Variants in CLSTN2 observed in about 807,000 individuals in gnomAD.
CLSTN2 encodes calsyntenin-2.
A neutral mutation model predicts 101.2 loss-of-function variants in CLSTN2; 48 were observed. That is an observed-to-expected ratio of 0.47 (90% confidence interval 0.38 to 0.60). CLSTN2 has a LOEUF of 0.60. Ranked by LOEUF, CLSTN2 falls within the 20% of genes least tolerant of loss-of-function variation. The pLI, the probability that CLSTN2 is intolerant of heterozygous loss-of-function variation, is 0.00. For synonymous variants in CLSTN2, 481 were observed against 463.6 expected (o/e 1.04, Z -0.48); for missense variants, 1,160 against 1,238.2 (o/e 0.94, Z 0.95).
At chr3:140,541,739 C>A (rs1935482116) in intron 9 of CLSTN2, among the ~76,000 whole-genome samples, 1 of 152,142 alleles carries the variant, frequency 6.6e-6, no homozygotes, top group African/African-American at 2.4e-5. Flanking sequence ...TTCGCCCCTT[C>A]CCTGCCACAG....
At chr3:140,483,177 T>C (rs1008833073) in intron 8 of CLSTN2, among the ~76,000 whole-genome samples, 1 of 152,242 alleles carries the variant, frequency 6.6e-6, no homozygotes, top group Non-Finnish European at 1.5e-5. Flanking sequence ...AACATCTTTA[T>C]TTCTGCCTTC....
At chr3:139,949,503 A>G (rs1322376146) in intron 1 of CLSTN2, among the ~76,000 whole-genome samples, 2 of 152,174 alleles carry the variant, frequency 1.3e-5, no homozygotes, top group Non-Finnish European at 2.9e-5. Context: ...GAGCTGATAC[A>G]TTCAAGATGG....
intron 1 of CLSTN2, among the ~76,000 whole-genome samples, chr3:140,117,993 G>A (rs2009274742): frequency 1.3e-5 from 2 of 152,186 alleles, no homozygotes; most frequent in Admixed American, 6.5e-5. Flanking sequence ...CTAAGCCCCA[G>A]TACCTCAGGA....
chr3:140,280,271 T>C (rs771687716), intron 2 of CLSTN2, among the ~76,000 whole-genome samples: 2 of 152,222 alleles, frequency 1.3e-5, no homozygotes, highest in Non-Finnish European at 2.9e-5. Flanking sequence ...CCCGTACCCC[T>C]GACCCATTAG....
chr3:140,421,650 C>T (rs958656222), intron 5 of CLSTN2, among the ~76,000 whole-genome samples: 3 of 152,206 alleles, frequency 2.0e-5, no homozygotes, highest in Admixed American at 2.0e-4. Flanking sequence ...CACGGATCAA[C>T]ACCTGGGGAA....
At chr3:140,336,761 T>C (rs1435986415) in intron 2 of CLSTN2, among the ~76,000 whole-genome samples, 1 of 152,216 alleles carries the variant, frequency 6.6e-6, no homozygotes, top group Non-Finnish European at 1.5e-5. Flanking sequence ...TTTGTATCTT[T>C]TTTCATGGAA....
At chr3:140,394,805 T>C (rs28569272) in intron 2 of CLSTN2, among the ~76,000 whole-genome samples, 1 of 152,226 alleles carries the variant, frequency 6.6e-6, no homozygotes, top group Non-Finnish European at 1.5e-5. Context: ...ACTACAGTGA[T>C]TTTTGTAAAT....
chr3:140,154,797 AC>A (rs913927059), intron 1 of CLSTN2, among the ~76,000 whole-genome samples: 2 of 151,912 alleles, frequency 1.3e-5, no homozygotes, highest in Non-Finnish European at 2.9e-5. Context: ...GGCACCCGCC[AC>A]CACGCCCAGC....
At chr3:140,224,780 T>C (rs1039886856) in intron 2 of CLSTN2, among the ~76,000 whole-genome samples, 2 of 152,164 alleles carry the variant, frequency 1.3e-5, no homozygotes, top group African/African-American at 4.8e-5. Flanking sequence ...TTCCCCAAAC[T>C]TATGTAACCA....
At chr3:140,105,400 C>T (rs2107792039) in intron 1 of CLSTN2, among the ~76,000 whole-genome samples, 1 of 152,284 alleles carries the variant, frequency 6.6e-6, no homozygotes, top group South Asian at 2.1e-4. Flanking sequence ...AAAGGGCCAG[C>T]ATATGACACA....
intron 4 of CLSTN2, among the ~76,000 whole-genome samples, chr3:140,418,781 G>A (rs1002298180): frequency 6.6e-6 from 1 of 152,080 alleles, no homozygotes; most frequent in Non-Finnish European, 1.5e-5. Flanking sequence ...CTCCCAAAGT[G>A]CTGGGATTGC....
chr3:140,404,885 G>A (rs772837759), intron 4 of CLSTN2, 119 bp downstream of exon 4: 108 of 848,458 alleles, frequency 1.3e-4, no homozygotes, highest in Non-Finnish European at 1.8e-4. Flanking sequence ...GCCATGTTTG[G>A]TCTAAGCTCC....
chr3:140,054,708 G>T (rs746528690), intron 1 of CLSTN2, among the ~76,000 whole-genome samples: 2 of 152,236 alleles, frequency 1.3e-5, no homozygotes, highest in Admixed American at 6.5e-5. Context: ...TTTGTAGGGG[G>T]TGTATGTGAT....
intron 1 of CLSTN2, among the ~76,000 whole-genome samples, chr3:140,045,824 G>A (rs1005508415): frequency 2.6e-5 from 4 of 152,318 alleles, no homozygotes; most frequent in Middle Eastern, 6.8e-3. Flanking sequence ...GCAGTGGAGC[G>A]GTTTTGAGTG....
chr3:140,359,141 G>GAA (rs74431387), intron 2 of CLSTN2, among the ~76,000 whole-genome samples: 3 of 130,162 alleles, frequency 2.3e-5, no homozygotes, highest in East Asian at 2.3e-4. Flanking sequence ...GGCATTTGTA[G>GAA]AAAAAAAAAA....
intron 5 of CLSTN2, among the ~76,000 whole-genome samples, chr3:140,427,217 ATATATATGTG>A (rs2088579863): frequency 1.2e-5 from 1 of 84,734 alleles, no homozygotes; most frequent in African/African-American, 8.1e-5. Flanking sequence ...GTATATATAT[ATATATATGTG>A]TGTATATATA....
intron 1 of CLSTN2, among the ~76,000 whole-genome samples, chr3:140,145,432 G>A (rs2009767014): frequency 6.6e-6 from 1 of 152,256 alleles, no homozygotes; most frequent in African/African-American, 2.4e-5. Context: ...GCACTGTAGA[G>A]CAGTTGCTGA....
Position 140,317,895 on chromosome 3 carries a change from C to T in CLSTN2, c.233-85734C>T, listed in dbSNP as rs149590230. On this transcript the variant is annotated intron_variant, in intron 2 of 16. Transcript: ENST00000458420. ...ACAATAAGATCATGCATTAATTGCT[C>T]GCTATATGAAGGTCAGGACCACCTT... 7.9e-5 allele frequency among the ~76,000 whole-genome samples: 12 copies of T among 152,208 alleles called. No individual in the cohort carries two copies. The East Asian group carries it at 1.7e-3, about 22-fold the overall frequency.
chr3:140,302,833 G>T (rs2087073534), intron 2 of CLSTN2, among the ~76,000 whole-genome samples: 1 of 152,188 alleles, frequency 6.6e-6, no homozygotes, highest in African/African-American at 2.4e-5. Context: ...CTTGTAGGAA[G>T]GGATGATGTG....
Sources: gnomAD v4.1 joint callset for allele counts (sites outside exome capture counted in the v4.1 genomes callset) on GRCh38, gnomAD v4.1.1 for gene constraint, MANE v1.5 for transcripts, NCBI Gene and HGNC (gene_info 2026-07-23, HGNC 2026-07-21) for gene names.